The following GRID2 variants were observed in gnomAD, a reference collection of about 807,000 sequenced individuals.
The protein encoded by GRID2 is glutamate ionotropic receptor delta type subunit 2.
A neutral mutation model predicts 114.8 loss-of-function variants in GRID2; 33 were observed. The ratio of observed to expected loss-of-function variants is 0.29; its 90% CI spans 0.22 to 0.38. GRID2 has a LOEUF of 0.38. GRID2 is among the 10% of genes least tolerant of loss of function. GRID2 has a pLI of 1.00. For synonymous variants in GRID2, 505 were observed against 449.9 expected, an observed-to-expected ratio of 1.12 and a Z score of -1.55; for missense variants, 1,184 against 1,257.7, an observed-to-expected ratio of 0.94 and a Z score of 0.89.
chr4:93,158,201 C>T (rs1045767109), intron 4 of GRID2, among the ~76,000 whole-genome samples: 3 of 151,898 alleles, frequency 2.0e-5, no homozygotes, highest in South Asian at 2.1e-4. Context: ...TTTGTGTTCT[C>T]TGCTGCAATT....
At chr4:92,567,691 T>C (rs1466329123) in intron 1 of GRID2, among the ~76,000 whole-genome samples, 1 of 152,058 alleles carries the variant, frequency 6.6e-6, no homozygotes, top group Non-Finnish European at 1.5e-5. Flanking sequence ...AACAATTTTG[T>C]CTCAAGAACT....
intron 8 of GRID2, among the ~76,000 whole-genome samples, chr4:93,315,717 A>G (rs965616939): frequency 2.3e-4 from 35 of 152,238 alleles, no homozygotes; most frequent in African/African-American, 6.7e-4. Flanking sequence ...AATGAAAACT[A>G]TGAACTATCT....
chr4:93,352,482 A>C (rs1213018867), intron 8 of GRID2, among the ~76,000 whole-genome samples: 1 of 151,988 alleles, frequency 6.6e-6, no homozygotes, highest in African/African-American at 2.4e-5. Context: ...ATAACAATCC[A>C]ATCAGTGCAA....
intron 2 of GRID2, among the ~76,000 whole-genome samples, chr4:92,690,716 T>C (rs1054945628): frequency 3.9e-5 from 6 of 152,182 alleles, no homozygotes; most frequent in Non-Finnish European, 8.8e-5. Context: ...TGAGGCACTT[T>C]ACTGTATTAA....
intron 2 of GRID2, among the ~76,000 whole-genome samples, chr4:92,745,502 AGTT>A (rs767856769): frequency 2.0e-5 from 3 of 152,188 alleles, no homozygotes; most frequent in East Asian, 1.9e-4. Flanking sequence ...GGAGCAGGAC[AGTT>A]GTTCTACTCC....
intron 8 of GRID2, among the ~76,000 whole-genome samples, chr4:93,266,694 G>A (rs765609914): frequency 1.3e-5 from 2 of 152,138 alleles, no homozygotes; most frequent in Admixed American, 1.3e-4. Flanking sequence ...GATTACAGGT[G>A]TATTATCAAC....
chr4:93,024,077 T>A (rs2149249641), intron 2 of GRID2, among the ~76,000 whole-genome samples: 1 of 151,980 alleles, frequency 6.6e-6, no homozygotes, highest in Middle Eastern at 3.4e-3. Context: ...ATCTGGTAGG[T>A]GCAAAATAAA....
chr4:93,021,484 C>T (rs1723281056), intron 2 of GRID2, among the ~76,000 whole-genome samples: 1 of 147,548 alleles, frequency 6.8e-6, no homozygotes, highest in African/African-American at 2.5e-5. Context: ...CTTTTGAAAT[C>T]CATCTGCTAA....
chr4:93,137,797 A>G (rs902072676), intron 4 of GRID2, among the ~76,000 whole-genome samples: 1 of 152,078 alleles, frequency 6.6e-6, no homozygotes, highest in Non-Finnish European at 1.5e-5. Flanking sequence ...TGGGACCACT[A>G]TATTTTACAT....
chr4:93,528,729 C>A (rs1170168285), intron 13 of GRID2, among the ~76,000 whole-genome samples: 1 of 152,028 alleles, frequency 6.6e-6, no homozygotes, highest in Non-Finnish European at 1.5e-5. Context: ...TAACCAGCCC[C>A]CAGCAAAAGA....
At chr4:92,935,801 T>C (rs1413684131) in intron 2 of GRID2, among the ~76,000 whole-genome samples, 12 of 142,078 alleles carry the variant, frequency 8.4e-5, no homozygotes, top group African/African-American at 1.5e-4. Context: ...AACCAAACAC[T>C]GCATGTTCTC....
At chr4:92,473,780 A>G (rs1722156148) in intron 1 of GRID2, among the ~76,000 whole-genome samples, 1 of 151,984 alleles carries the variant, frequency 6.6e-6, no homozygotes, top group African/African-American at 2.4e-5. Context: ...ATATCCTTCT[A>G]TAATTTGTTT....
chr4:93,233,979 C>CGT (rs572646315), intron 7 of GRID2, among the ~76,000 whole-genome samples: 179 of 152,178 alleles, frequency 1.2e-3, no homozygotes, highest in Middle Eastern at 0.01. Context: ...CCTTTTAAAA[C>CGT]GTCTGCATAC....
At chr4:92,771,838 G>A (rs924755039) in intron 2 of GRID2, among the ~76,000 whole-genome samples, 1 of 152,156 alleles carries the variant, frequency 6.6e-6, no homozygotes. Flanking sequence ...GTGATGAAAA[G>A]CCATCGGCTT....
intron 2 of GRID2, among the ~76,000 whole-genome samples, chr4:92,711,382 A>G (rs1560546467): frequency 6.6e-6 from 1 of 152,082 alleles, no homozygotes; most frequent in Non-Finnish European, 1.5e-5. Flanking sequence ...CTAAGAAAAT[A>G]TTTACTTTAG....
intron 14 of GRID2, among the ~76,000 whole-genome samples, chr4:93,702,302 T>C (rs1727582402): frequency 6.6e-6 from 1 of 152,188 alleles, no homozygotes; most frequent in African/African-American, 2.4e-5. Context: ...TTATTAATCA[T>C]AACTTTGGAT....
rs1286421270 is a variant in GRID2, at chr4:93,387,026, T to A, written c.1246-8581T>A. On this transcript the variant is annotated intron_variant, in intron 8 of 15. Transcript: ENST00000282020. ...CAAGTCAGTTTGGGGAGGGAAGCTT[T>A]CCTCTGTGAAGGCCTCCCAGGCAAA... Among the ~76,000 whole-genome samples the A allele has an allele frequency of 2.6e-5, 4 of 152,176 alleles. No homozygotes were observed. The East Asian group carries it at 5.8e-4, about 22-fold the overall frequency.
intron 2 of GRID2, among the ~76,000 whole-genome samples, chr4:92,797,706 A>G (rs1182086220): frequency 6.6e-6 from 1 of 151,866 alleles, no homozygotes; most frequent in East Asian, 1.9e-4. Context: ...TGCTATTTCT[A>G]TGCTACATGG....
At chr4:93,364,019 A>G (rs1393087443) in intron 8 of GRID2, among the ~76,000 whole-genome samples, 1 of 152,066 alleles carries the variant, frequency 6.6e-6, no homozygotes, top group Admixed American at 6.6e-5. Flanking sequence ...TAAGAAAAAT[A>G]TATATATGTG....
Sources: gnomAD v4.1 joint callset for allele counts (sites outside exome capture counted in the v4.1 genomes callset) on GRCh38, gnomAD v4.1.1 for gene constraint, MANE v1.5 for transcripts, NCBI Gene and HGNC (gene_info 2026-07-23, HGNC 2026-07-21) for gene names.